COL21A1: variants seen among roughly 807,000 people sequenced by gnomAD.
The protein encoded by COL21A1 is collagen type XXI alpha 1 chain.
COL21A1 carries 149 observed loss-of-function variants against 137.9 expected under a neutral mutation model. The observed-to-expected ratio is 1.08, with a 90% CI of 0.95 to 1.24. The LOEUF (loss-of-function observed/expected upper bound fraction) is 1.24. Ranked by LOEUF, COL21A1 falls within the 50% of genes most tolerant of loss-of-function variation. The pLI, the probability that COL21A1 is intolerant of heterozygous loss-of-function variation, is 0.00. For missense variants in COL21A1, 1,167 were observed against 1,158.4 expected (o/e 1.01, Z -0.11); for synonymous variants, 456 against 391.5 (o/e 1.16, Z -1.95).
chr6:56,205,285 C>A (rs1046933627), intron 1 of COL21A1, among the ~76,000 whole-genome samples: 1 of 152,074 alleles, frequency 6.6e-6, no homozygotes, highest in Admixed American at 6.5e-5. Flanking sequence ...TAGAGAAGAA[C>A]ATAAGTGACC....
At chr6:56,253,516 T>C (rs1253554604) in intron 1 of COL21A1, among the ~76,000 whole-genome samples, 1 of 152,146 alleles carries the variant, frequency 6.6e-6, no homozygotes, top group Non-Finnish European at 1.5e-5. Context: ...CAGAGAAAAG[T>C]AGAACTCCAG....
chr6:56,223,900 T>C (rs998059589), intron 1 of COL21A1, among the ~76,000 whole-genome samples: 16 of 151,896 alleles, frequency 1.1e-4, no homozygotes, highest in African/African-American at 3.9e-4. Context: ...AAGATACTCA[T>C]GGAGTGTTCT....
chr6:56,360,146 T>C (rs1430700418), intron 1 of COL21A1, among the ~76,000 whole-genome samples: 1 of 152,190 alleles, frequency 6.6e-6, no homozygotes, highest in African/African-American at 2.4e-5. Flanking sequence ...GCAGAAGGCT[T>C]AGACTACTAA....
At chr6:56,142,041 T>A (rs987767754) in intron 10 of COL21A1, 58 bp from the exon 11 acceptor site, 1 of 1,296,290 alleles carries the variant, frequency 7.7e-7, no homozygotes. Context: ...CCAAGAGAAG[T>A]TCTTCGTTTC....
At chr6:56,341,314 C>T (rs576267536) in intron 1 of COL21A1, among the ~76,000 whole-genome samples, 2 of 152,218 alleles carry the variant, frequency 1.3e-5, no homozygotes, top group South Asian at 4.1e-4. Context: ...AATTTATTTT[C>T]AGATAATGTC....
At chr6:56,325,989 T>TATCATATATATTATATA (rs1765076931) in intron 1 of COL21A1, among the ~76,000 whole-genome samples, 1 of 8,656 alleles carries the variant, frequency 1.2e-4, no homozygotes. Context: ...ATATAATATA[T>TATCATATATATTATATA]GTATATACAT....
At chr6:56,171,737 C>T (rs376363558) in intron 3 of COL21A1, among the ~76,000 whole-genome samples, 35 of 151,834 alleles carry the variant, frequency 2.3e-4, no homozygotes, top group Middle Eastern at 3.4e-3. Context: ...GTTCTTCAGA[C>T]GGACATATTA....
chr6:56,260,848 C>CTCTGTGTGTGTG (rs1554171257), intron 1 of COL21A1, among the ~76,000 whole-genome samples: 36 of 135,286 alleles, frequency 2.7e-4, no homozygotes, highest in Admixed American at 2.3e-3. Flanking sequence ...CTTTAATTCA[C>CTCTGTGTGTGTG]TGTGTGTGTG....
intron 12 of COL21A1, among the ~76,000 whole-genome samples, chr6:56,135,575 T>C (rs912968381): frequency 6.6e-6 from 1 of 152,150 alleles, no homozygotes; most frequent in African/African-American, 2.4e-5. Context: ...AACCCTTTGA[T>C]CCAATAATCA....
chr6:56,075,323 C>A (rs996115979), intron 19 of COL21A1, among the ~76,000 whole-genome samples, 156 bp downstream of exon 19: 2 of 151,344 alleles, frequency 1.3e-5, no homozygotes, highest in Non-Finnish European at 3.0e-5. Context: ...TGCACATAGA[C>A]ATAATATGTT....
intron 1 of COL21A1, among the ~76,000 whole-genome samples, chr6:56,352,810 C>T (rs12202452): frequency 0.26 from 39,646 of 152,006 alleles, 6,418 homozygotes; most frequent in East Asian, 0.72. Flanking sequence ...GAGGCCAAGG[C>T]GGGCAAATCA....
In COL21A1 at chr6:56,164,800, G is replaced by A; in HGVS notation, c.1287+14C>T. On this transcript the variant is annotated intron_variant, in intron 8 of 29. Coordinates refer to ENST00000244728, the MANE Select transcript of COL21A1 (RefSeq NM_030820.4). The stretch of plus-strand genomic sequence containing the variant: ...AAATATTACCTTAAGGGGAACAATA[G>A]TATCCAAGCCTACCTCTCCATTCTG... 6.4e-7 allele frequency: 1 copy of A among 1,564,984 alleles called. No homozygotes were observed. Among genetic ancestry groups the A allele is most frequent in the South Asian group, 1.2e-5 (1 of 83,738 alleles).
chr6:56,298,472 G>A (rs1317261521), intron 1 of COL21A1, among the ~76,000 whole-genome samples: 1 of 151,988 alleles, frequency 6.6e-6, no homozygotes, highest in Non-Finnish European at 1.5e-5. Context: ...AAGCAGTTGA[G>A]TTTGTTGTCT....
intron 12 of COL21A1, among the ~76,000 whole-genome samples, chr6:56,136,977 T>C (rs772296127): frequency 3.3e-5 from 5 of 152,014 alleles, no homozygotes; most frequent in Admixed American, 2.6e-4. Flanking sequence ...CTTCTCACAG[T>C]GCAGGCAGTA....
chr6:56,372,720 T>C (rs1241466485), intron 1 of COL21A1, among the ~76,000 whole-genome samples: 1 of 152,200 alleles, frequency 6.6e-6, no homozygotes, highest in Admixed American at 6.5e-5. Context: ...GCTTTGTCTG[T>C]CTCTCCATCT....
intron 1 of COL21A1, among the ~76,000 whole-genome samples, chr6:56,202,545 T>G (rs932054900): frequency 6.6e-6 from 1 of 152,162 alleles, no homozygotes; most frequent in South Asian, 2.1e-4. Flanking sequence ...TCTTCTATCA[T>G]CCTCTTATTT....
At chr6:56,193,258 T>C (rs2152292283) in intron 1 of COL21A1, among the ~76,000 whole-genome samples, 1 of 152,232 alleles carries the variant, frequency 6.6e-6, no homozygotes, top group South Asian at 2.1e-4. Flanking sequence ...TTTGTATACC[T>C]ATGTAACAAA....
At chr6:56,362,850 G>A (rs990927378) in intron 1 of COL21A1, among the ~76,000 whole-genome samples, 5 of 152,030 alleles carry the variant, frequency 3.3e-5, no homozygotes, top group Non-Finnish European at 5.9e-5. Context: ...GTCCCGGGCC[G>A]GTGCGTATTT....
chr6:56,150,298 C>G (rs2152248617), intron 10 of COL21A1, among the ~76,000 whole-genome samples: 1 of 152,180 alleles, frequency 6.6e-6, no homozygotes, highest in Middle Eastern at 3.4e-3. Context: ...GCGGGCGGAT[C>G]ACGAGGCCAG....
Sources: gnomAD v4.1 joint callset for allele counts (sites outside exome capture counted in the v4.1 genomes callset) on GRCh38, gnomAD v4.1.1 for gene constraint, MANE v1.5 for transcripts, NCBI Gene and HGNC (gene_info 2026-07-23, HGNC 2026-07-21) for gene names.